NOS1AP: variants seen among roughly 807,000 people sequenced by gnomAD.
NOS1AP encodes carboxyl-terminal PDZ ligand of neuronal nitric oxide synthase protein.
A neutral mutation model predicts 56.2 loss-of-function variants in NOS1AP; 21 were observed. That is an observed-to-expected ratio of 0.37 (90% CI 0.26 to 0.54). The LOEUF is 0.54. NOS1AP is among the 20% of genes least tolerant of loss of function. The pLI, the probability that NOS1AP is intolerant of heterozygous loss-of-function variation, is 0.84. For missense variants in NOS1AP, 522 were observed against 657.8 expected, an observed-to-expected ratio of 0.79 and a Z score of 2.26; for synonymous variants, 270 against 274.6, an observed-to-expected ratio of 0.98 and a Z score of 0.17.
At chr1:162,081,772 A>ATTTTTTTTT (rs1457192130) in intron 1 of NOS1AP, among the ~76,000 whole-genome samples, 3 of 29,980 alleles carry the variant, frequency 1.0e-4, no homozygotes, top group African/African-American at 3.1e-4. Context: ...ATATATATAT[A>ATTTTTTTTT]TATTTTTTTT....
chr1:162,367,242 C>T lies in NOS1AP; in HGVS notation c.1296C>T (p.Arg432=), dbSNP rs1478250778. Residue 432 remains arginine (R), a synonymous_variant, in exon 10 of 10, where the codon CGC becomes CGT. Coordinates refer to ENST00000361897, the MANE Select transcript of NOS1AP (RefSeq NM_014697.3). The surrounding 1 kb of genome is among the most constrained non-coding windows in gnomAD (Gnocchi z 6.5). ...GCTTGGTGAAGCTGGAGTGCTTTCG[C>T]TTTCTTCCGCCCGAGGACACCCCGC... ...RDCLVKLECF[R]FLPPEDTPPP... is the part of the protein sequence containing the mutation. 1 of 1,613,880 alleles carries T rather than the reference C, an allele frequency of 6.2e-7. No individual in the cohort carries two copies. Among genetic ancestry groups the T allele is most frequent in the Non-Finnish European group, 8.5e-7 (1 of 1,179,962 alleles).
intron 4 of NOS1AP, among the ~76,000 whole-genome samples, chr1:162,311,295 CCTT>C (rs1656018631): frequency 1.3e-5 from 2 of 152,144 alleles, no homozygotes; most frequent in African/African-American, 4.8e-5. Context: ...TTTTTTGCCT[CCTT>C]CTCTTTTGTT....
chr1:162,192,446 G>A (rs1651676189), intron 2 of NOS1AP, among the ~76,000 whole-genome samples: 1 of 152,192 alleles, frequency 6.6e-6, no homozygotes, highest in Admixed American at 6.5e-5. Flanking sequence ...ATGAGGCCTG[G>A]TGCAGCAGGC....
intron 2 of NOS1AP, among the ~76,000 whole-genome samples, chr1:162,266,791 C>T (rs1186957562): frequency 6.6e-6 from 1 of 152,136 alleles, no homozygotes; most frequent in African/African-American, 2.4e-5. Flanking sequence ...TATTATACTA[C>T]GATGCTTATA....
At chr1:162,221,520 G>GCACACA (rs1295505482) in intron 2 of NOS1AP, among the ~76,000 whole-genome samples, 4 of 100,836 alleles carry the variant, frequency 4.0e-5, no homozygotes, top group African/African-American at 1.2e-4. Flanking sequence ...ACACACACAC[G>GCACACA]CACACACACG....
chr1:162,231,453 T>A (rs1462419592), intron 2 of NOS1AP, among the ~76,000 whole-genome samples: 4 of 152,228 alleles, frequency 2.6e-5, no homozygotes, highest in Non-Finnish European at 5.9e-5. Flanking sequence ...CTCTGTTGTG[T>A]CTTTTGCACA....
chr1:162,244,615 T>C (rs1269265016), intron 2 of NOS1AP, among the ~76,000 whole-genome samples: 3 of 152,206 alleles, frequency 2.0e-5, no homozygotes, highest in Non-Finnish European at 4.4e-5. Context: ...ATTTCTATTA[T>C]ACTATATTGC....
chr1:162,233,517 T>C (rs1653193697), intron 2 of NOS1AP, among the ~76,000 whole-genome samples: 1 of 152,202 alleles, frequency 6.6e-6, no homozygotes, highest in Non-Finnish European at 1.5e-5. Flanking sequence ...TGATTTTTTT[T>C]TGGTAGATCC....
intron 2 of NOS1AP, among the ~76,000 whole-genome samples, chr1:162,283,747 G>A (rs762536038): frequency 3.9e-5 from 6 of 152,222 alleles, no homozygotes; most frequent in Non-Finnish European, 8.8e-5. Flanking sequence ...TGCAGGTGGT[G>A]TTCCAGGACT....
At chr1:162,302,020 C>T (rs963194169) in intron 4 of NOS1AP, among the ~76,000 whole-genome samples, 1 of 152,150 alleles carries the variant, frequency 6.6e-6, no homozygotes, top group Admixed American at 6.6e-5. Flanking sequence ...CCCTTGTTCT[C>T]AGGGAGTTTT....
At chr1:162,162,878 T>C (rs1650291126) in intron 2 of NOS1AP, among the ~76,000 whole-genome samples, 1 of 152,138 alleles carries the variant, frequency 6.6e-6, no homozygotes, top group South Asian at 2.1e-4. Flanking sequence ...TAATGTTGTA[T>C]AATCATCACC....
chr1:162,246,512 T>C (rs1383960405), intron 2 of NOS1AP, among the ~76,000 whole-genome samples: 1 of 152,210 alleles, frequency 6.6e-6, no homozygotes, highest in Non-Finnish European at 1.5e-5. Flanking sequence ...TAGGAAAACA[T>C]ATAATTCTTG....
intron 8 of NOS1AP, among the ~76,000 whole-genome samples, chr1:162,359,332 G>T (rs779317500): frequency 5.3e-5 from 8 of 152,160 alleles, no homozygotes; most frequent in Non-Finnish European, 1.0e-4. Context: ...CATCAGATAG[G>T]ACGTTGGGGT....
At chr1:162,182,461 G>A (rs1333448038) in intron 2 of NOS1AP, among the ~76,000 whole-genome samples, 1 of 152,194 alleles carries the variant, frequency 6.6e-6, no homozygotes, top group African/African-American at 2.4e-5. Context: ...GAAGGTAGAG[G>A]TGGCTGTGTC....
At chr1:162,099,823 C>T (rs1383509765) in intron 1 of NOS1AP, among the ~76,000 whole-genome samples, 1 of 151,894 alleles carries the variant, frequency 6.6e-6, no homozygotes, top group African/African-American at 2.4e-5. Context: ...TGATGTTCCC[C>T]TTCCTGTGTC....
intron 5 of NOS1AP, among the ~76,000 whole-genome samples, chr1:162,343,264 G>T (rs1167897450): frequency 6.6e-6 from 1 of 152,182 alleles, no homozygotes; most frequent in Non-Finnish European, 1.5e-5. Flanking sequence ...ATAGACCCAA[G>T]AACGTGAGGT....
chr1:162,086,927 G>A (rs1234453312), intron 1 of NOS1AP, among the ~76,000 whole-genome samples: 1 of 152,154 alleles, frequency 6.6e-6, no homozygotes, highest in Non-Finnish European at 1.5e-5. Context: ...CGCTCATCTT[G>A]TGAGGGTTAG....
intron 2 of NOS1AP, among the ~76,000 whole-genome samples, chr1:162,209,641 C>T (rs921259942): frequency 5.3e-5 from 8 of 152,144 alleles, no homozygotes; most frequent in Non-Finnish European, 1.0e-4. Context: ...CTAAAGAACA[C>T]TTTTTAAATA....
At chr1:162,229,669 A>G (rs1653062206) in intron 2 of NOS1AP, among the ~76,000 whole-genome samples, 1 of 152,172 alleles carries the variant, frequency 6.6e-6, no homozygotes, top group African/African-American at 2.4e-5. Flanking sequence ...AAGTACATAA[A>G]TGTTTGTTGA....
Sources: gnomAD v4.1 joint callset for allele counts (sites outside exome capture counted in the v4.1 genomes callset) on GRCh38, gnomAD v4.1.1 for gene constraint, Gnocchi (gnomAD v3.1) non-coding constraint, MANE v1.5 for transcripts, NCBI Gene and HGNC (gene_info 2026-07-23, HGNC 2026-07-21) for gene names.